PRSS12: variants seen among roughly 807,000 people sequenced by gnomAD.
The protein encoded by PRSS12 is serine protease 12.
PRSS12 carries 85 observed loss-of-function variants against 104.4 expected under a neutral mutation model. The ratio of observed to expected loss-of-function variants is 0.81; its 90% confidence interval spans 0.68 to 0.98. The LOEUF (loss-of-function observed/expected upper bound fraction) is 0.98. PRSS12 is among the 50% of genes least tolerant of loss of function. PRSS12 has a pLI of 0.00. For missense variants in PRSS12, 1,141 were observed against 1,139.2 expected, an observed-to-expected ratio of 1.00 and a Z score of -0.02; for synonymous variants, 454 against 425.2, an observed-to-expected ratio of 1.07 and a Z score of -0.83.
Position 118,352,735 on chromosome 4 carries a change from G to A in PRSS12, c.-15C>T, listed in dbSNP as rs375295591. 4 of 1,612,076 alleles carry A rather than the reference G, an allele frequency of 2.5e-6. No individual in the cohort carries two copies. In the African/African-American group the frequency reaches 4.0e-5, roughly 16 times the overall value. On this transcript the variant is annotated 5_prime_UTR_variant, in exon 1 of 13. Coordinates refer to ENST00000296498, the MANE Select transcript of PRSS12 (RefSeq NM_003619.4). The stretch of plus-strand genomic sequence containing the variant: ...GCGAGCGTCATGGTGCCAGCGCTGC[G>A]GGGTCTGGTCCATGCTCCCCAGCTT...
intron 8 of PRSS12, among the ~76,000 whole-genome samples, chr4:118,307,374 A>G (rs1164529993): frequency 1.3e-5 from 2 of 152,204 alleles, no homozygotes; most frequent in African/African-American, 4.8e-5. Flanking sequence ...TTTTAAAATA[A>G]ACATGTATTC....
At chr4:118,308,284 C>T in intron 8 of PRSS12, 152 bp downstream of exon 8, 1 of 1,071,918 alleles carries the variant, frequency 9.3e-7, no homozygotes, top group East Asian at 2.5e-5. Flanking sequence ...CTTATTACTT[C>T]TTTATAATTC....
chr4:118,306,255 C>T (rs1017451562), intron 8 of PRSS12, among the ~76,000 whole-genome samples: 2 of 152,128 alleles, frequency 1.3e-5, no homozygotes, highest in African/African-American at 4.8e-5. Flanking sequence ...GTTGTTTTGA[C>T]CATAGCCATT....
intron 1 of PRSS12, among the ~76,000 whole-genome samples, chr4:118,342,655 T>C (rs749942738): frequency 1.3e-5 from 2 of 152,164 alleles, no homozygotes; most frequent in Non-Finnish European, 2.9e-5. Flanking sequence ...CGTGATGGCA[T>C]GTCATGCAGT....
chr4:118,292,232 T>C (rs978666986), intron 11 of PRSS12, among the ~76,000 whole-genome samples: 37 of 152,190 alleles, frequency 2.4e-4, no homozygotes, highest in African/African-American at 8.7e-4. Flanking sequence ...TAGCAATTAA[T>C]ATGTTGAACA....
At chr4:118,296,580 C>G (rs1743260293) in intron 9 of PRSS12, among the ~76,000 whole-genome samples, 1 of 152,088 alleles carries the variant, frequency 6.6e-6, no homozygotes, top group Admixed American at 6.5e-5. Flanking sequence ...TACTTTGTTT[C>G]TTTGGTTAAA....
At chr4:118,297,178 A>C (rs991707190) in intron 9 of PRSS12, among the ~76,000 whole-genome samples, 1 of 152,230 alleles carries the variant, frequency 6.6e-6, no homozygotes, top group African/African-American at 2.4e-5. Flanking sequence ...ACATAAAATC[A>C]ACTGGTTAAT....
chr4:118,287,474 T>C (rs990632822), intron 11 of PRSS12, among the ~76,000 whole-genome samples: 1 of 152,166 alleles, frequency 6.6e-6, no homozygotes, highest in African/African-American at 2.4e-5. Flanking sequence ...TGTCCTAATT[T>C]AGGGAAATGT....
chr4:118,341,994 T>C (rs1235977860), intron 1 of PRSS12, among the ~76,000 whole-genome samples: 1 of 152,146 alleles, frequency 6.6e-6, no homozygotes, highest in Admixed American at 6.5e-5. Flanking sequence ...AAGAGAAGCA[T>C]AAAGTAGCCT....
intron 8 of PRSS12, among the ~76,000 whole-genome samples, chr4:118,302,981 A>G (rs74286515): frequency 0.012 from 1,865 of 152,352 alleles, 34 homozygotes; most frequent in East Asian, 0.085. Context: ...GAATTTGGAA[A>G]CAAAAATTCC....
rs774728942 is a variant in PRSS12 at position 118,338,271 on chromosome 4, T to C, written c.546A>G (p.Thr182=). The stretch of plus-strand genomic sequence containing the variant: ...AAACTCCACTTGCATATACTTCCAC[T>C]GTGCCTTCAAACTCATTTTTGCCGC... ...LRGGKNEFEG[T]VEVYASGVWG... is the part of the protein sequence containing the mutation. The change falls in exon 2 of 13, where the codon ACA becomes ACG. Residue 182 remains threonine (T), a synonymous_variant. Transcript: ENST00000296498. 1.2e-6 allele frequency: 2 copies of C among 1,614,088 alleles called. No homozygotes were observed. The highest frequency in any genetic ancestry group is 1.7e-6 in the Non-Finnish European group (2 of 1,179,958).
Position 118,295,013 on chromosome 4 carries a change from T to A in PRSS12, c.1965A>T (p.Gly655=), listed in dbSNP as rs575065414. The A allele has an allele frequency of 1.2e-6, 2 of 1,614,024 alleles. No homozygotes were observed. The highest frequency in any genetic ancestry group is 1.7e-5 in the Admixed American group (1 of 60,002). Reference sequence around the variant, plus strand: ...TAGCCCCGCAGAGGAGCCTGCCATCTCCATGGGATGACTTCAGCCGGAGGG... The same window carrying A: ...TAGCCCCGCAGAGGAGCCTGCCATCACCATGGGATGACTTCAGCCGGAGGG... ...QVSLRLKSSH[G]DGRLLCGATL... is the part of the protein sequence containing the mutation. Residue 655 remains glycine, a synonymous_variant, in exon 11 of 13, where the codon GGA becomes GGT. Transcript: ENST00000296498.
intron 3 of PRSS12, 51 bp from the exon 4 acceptor site, chr4:118,331,917 T>C: frequency 6.2e-7 from 1 of 1,608,482 alleles, no homozygotes; most frequent in East Asian, 2.2e-5. Flanking sequence ...TTACATTGAT[T>C]GATAAGATTA....
intron 2 of PRSS12, among the ~76,000 whole-genome samples, chr4:118,335,967 G>T (rs1053143706): frequency 2.6e-5 from 4 of 152,170 alleles, no homozygotes; most frequent in Non-Finnish European, 5.9e-5. Flanking sequence ...TGTGCAAGAG[G>T]TGTGTCACGA....
intron 11 of PRSS12, among the ~76,000 whole-genome samples, chr4:118,285,393 A>C (rs1742990684): frequency 6.6e-6 from 1 of 152,214 alleles, no homozygotes; most frequent in Non-Finnish European, 1.5e-5. Flanking sequence ...ATATTCATTA[A>C]ATTTTATTAA....
Position 118,282,844 on chromosome 4 carries a change from T to A in PRSS12, c.2307A>T (p.Gly769=). 1 of 1,614,162 alleles carries A rather than the reference T, an allele frequency of 6.2e-7. No individual in the cohort carries two copies. Among genetic ancestry groups the A allele is most frequent in the Non-Finnish European group, 8.5e-7 (1 of 1,180,022 alleles). The change falls in exon 12 of 13, where the codon GGA becomes GGT. Residue 769 remains glycine, a synonymous_variant. Coordinates refer to ENST00000296498, the MANE Select transcript of PRSS12 (RefSeq NM_003619.4). Reference sequence around the variant, plus strand: ...ATTATGCCTTACCTGTGTCACCCCATCCTGTTATGTAACAGTTGGATGCTG... The same window carrying A: ...ATTATGCCTTACCTGTGTCACCCCAACCTGTTATGTAACAGTTGGATGCTG... ...QKTASNCYIT[G]WGDTGRAYSR...
At chr4:118,339,233 G>A (rs1326899575) in intron 1 of PRSS12, among the ~76,000 whole-genome samples, 2 of 152,094 alleles carry the variant, frequency 1.3e-5, no homozygotes, top group African/African-American at 4.8e-5. Context: ...ATTAACCTCA[G>A]ACAACTTAAG....
intron 1 of PRSS12, among the ~76,000 whole-genome samples, chr4:118,350,469 TAC>T (rs1232826611): frequency 6.6e-6 from 1 of 152,244 alleles, no homozygotes; most frequent in Non-Finnish European, 1.5e-5. Context: ...AATTCATTAT[TAC>T]ACAGTTGATC....
intron 9 of PRSS12, among the ~76,000 whole-genome samples, chr4:118,296,639 G>T (rs935655612): frequency 6.6e-6 from 1 of 152,028 alleles, no homozygotes; most frequent in South Asian, 2.1e-4. Context: ...TCTAAGAGGA[G>T]GAGGGTGGGA....
Sources: allele counts gnomAD v4.1 joint callset (sites outside exome capture counted in the v4.1 genomes callset), GRCh38; gene constraint gnomAD v4.1.1; transcripts MANE v1.5; gene names NCBI Gene and HGNC (gene_info 2026-07-23, HGNC 2026-07-21).